Variants in PLXND1 observed in about 807,000 individuals in gnomAD.
PLXND1 encodes plexin-D1.
Under a neutral mutation model 197.7 loss-of-function variants are expected in PLXND1, and 54 were observed. The observed-to-expected ratio is 0.27, with a 90% CI of 0.22 to 0.34. PLXND1 has a LOEUF of 0.34. PLXND1 is among the 10% of genes least tolerant of loss of function. The pLI is 1.00. For missense variants in PLXND1, 2,127 were observed against 2,699.2 expected (o/e 0.79, Z 4.70); for synonymous variants, 1,180 against 1,161.2 (o/e 1.02, Z -0.33).
intron 19 of PLXND1, among the ~76,000 whole-genome samples, chr3:129,570,456 CCT>C (rs2085207706): frequency 6.6e-6 from 1 of 152,136 alleles, no homozygotes; most frequent in African/African-American, 2.4e-5. Context: ...TGTTCTGGCC[CCT>C]CTCTGCTCCT....
At chr3:129,583,752 G>T in intron 7 of PLXND1, 83 bp from the exon 8 acceptor site, 2 of 891,828 alleles carry the variant, frequency 2.2e-6, no homozygotes, top group Non-Finnish European at 3.6e-6. Context: ...CCAAAAGGCA[G>T]ATCCCAGCAC....
Position 129,564,476 on chromosome 3 carries a change from A to C in PLXND1, c.4521+864T>G, listed in dbSNP as rs186984353. 1.7e-3 allele frequency among the ~76,000 whole-genome samples: 257 copies of C among 152,340 alleles called. 3 individuals carry two copies. The highest frequency in any genetic ancestry group is 5.9e-3 in the African/African-American group (247 of 41,588). ...GCCTGTGCAACAAAGCAAGACCCCC[A>C]TCTCTTCAAAAATTAATAACAAAAA... On this transcript the variant is annotated intron_variant, in intron 25 of 35. Transcript: ENST00000324093.
chr3:129,565,253 G>A (rs2085120896), intron 25 of PLXND1, 87 bp downstream of exon 25: 1 of 1,131,588 alleles, frequency 8.8e-7, no homozygotes, highest in Admixed American at 1.7e-5. Flanking sequence ...AGGGTGCCAG[G>A]GAAGGCCTGG....
In PLXND1 at chr3:129,570,803, C is replaced by T; in HGVS notation, c.3733G>A (p.Gly1245Arg). The change falls in exon 19 of 36, where the codon GGG becomes AGG. Residue 1245 changes from glycine (G) to arginine (R), a missense_variant. Transcript: ENST00000324093. ...SVNESLGAAV[G>R]QLPITIQVGN... is the part of the protein sequence containing the mutation. ...CCACTCACTGTGATGGGCAGCTGCC[C>T]CACGGCCGCGCCCAGGGACTCGTTG... 6.2e-7 allele frequency: 1 copy of T among 1,614,122 alleles called. No homozygotes were observed. The highest frequency in any genetic ancestry group is 1.7e-4 in the Middle Eastern group (1 of 6,060).
At chr3:129,586,151 G>GT (rs772634235) in intron 4 of PLXND1, 21 bp downstream of exon 4, 5 of 1,610,372 alleles carry the variant, frequency 3.1e-6, no homozygotes, top group Non-Finnish European at 4.2e-6. Context: ...TGGTCCAGCT[G>GT]TTGCTGGTGT....
intron 1 of PLXND1, among the ~76,000 whole-genome samples, chr3:129,603,768 C>T (rs548761061): frequency 5.3e-5 from 8 of 152,314 alleles, no homozygotes; most frequent in South Asian, 2.1e-4. Context: ...TGGTTAATCT[C>T]ATGAAATTCT....
intron 10 of PLXND1, 66 bp from the exon 11 acceptor site, chr3:129,575,628 G>T: frequency 7.6e-7 from 1 of 1,318,968 alleles, no homozygotes; most frequent in Non-Finnish European, 1.1e-6. Flanking sequence ...GGGGATGGGT[G>T]TCATGGAGGC....
At chr3:129,556,730 G>C in intron 34 of PLXND1, 39 bp from the exon 35 acceptor site, 1 of 1,471,142 alleles carries the variant, frequency 6.8e-7, no homozygotes. Flanking sequence ...TAGCCCAGCG[G>C]TCAAAGCTGA....
intron 1 of PLXND1, among the ~76,000 whole-genome samples, chr3:129,593,884 C>T (rs941665818): frequency 6.6e-6 from 1 of 152,182 alleles, no homozygotes; most frequent in African/African-American, 2.4e-5. Flanking sequence ...CAGGATGCCC[C>T]CTCCCCCTCC....
In PLXND1 at chr3:129,567,732, C is replaced by T; in HGVS notation, c.3939G>A (p.Glu1313=). The part of the protein sequence containing the change: ...YWQKTLLQME[E]MESQIREEIR... ...TTTCCTCTCGGATCTGAGATTCCAT[C>T]TCCTCCATCTGCAGCAGCGTCTTCT... Residue 1313 remains glutamate, a synonymous_variant, in exon 21 of 36, where the codon GAG becomes GAA. Coordinates refer to ENST00000324093, the MANE Select transcript of PLXND1 (RefSeq NM_015103.3). 6.2e-7 allele frequency: 1 copy of T among 1,613,076 alleles called. No individual in the cohort carries two copies. The highest frequency in any genetic ancestry group is 2.2e-5 in the East Asian group (1 of 44,864).
At chr3:129,596,023 TATGGGAGGCA>T (rs1306192155) in intron 1 of PLXND1, among the ~76,000 whole-genome samples, 6 of 152,046 alleles carry the variant, frequency 3.9e-5, no homozygotes, top group African/African-American at 1.4e-4. Flanking sequence ...CTTACCTCAC[TATGGGAGGCA>T]CCATCCCCTC....
chr3:129,606,433 C>A lies in PLXND1; in HGVS notation c.207G>T (p.Gly69=). The change falls in exon 1 of 36, where the codon GGG becomes GGT. Residue 69 remains glycine, a synonymous_variant. Coordinates refer to ENST00000324093, the MANE Select transcript of PLXND1 (RefSeq NM_015103.3). The part of the protein sequence containing the change: ...TNNFALDGAA[G]TVYLAAVNRL... The stretch of plus-strand genomic sequence containing the variant: ...GGTTGACGGCCGCCAGGTACACGGT[C>A]CCCGCCGCGCCGTCCAGGGCGAAGT... 2.0e-6 allele frequency: 3 copies of A among 1,476,674 alleles called. No individual in the cohort carries two copies. Among genetic ancestry groups the A allele is most frequent in the South Asian group, 1.4e-5 (1 of 72,974 alleles). The allele number at this position is 1,476,674 out of a possible 1,614,324, so 91.5% of individuals were successfully genotyped here.
intron 3 of PLXND1, 54 bp from the exon 4 acceptor site, chr3:129,586,326 G>T (rs2085460707): frequency 1.5e-6 from 2 of 1,371,984 alleles, no homozygotes; most frequent in African/African-American, 2.9e-5. Flanking sequence ...TCTCCCTTGG[G>T]GAGGTGGTAC....
chr3:129,567,907 G>A, intron 20 of PLXND1, 102 bp from the exon 21 acceptor site: 1 of 427,676 alleles, frequency 2.3e-6, no homozygotes. Flanking sequence ...TCTGGGCAGG[G>A]TGTGGGAGGA....
intron 29 of PLXND1, among the ~76,000 whole-genome samples, 197 bp downstream of exon 29, chr3:129,561,449 A>G (rs982045107): frequency 2.0e-5 from 3 of 152,188 alleles, no homozygotes; most frequent in African/African-American, 7.2e-5. Flanking sequence ...GCAGGAAATC[A>G]GCTTGAGGAG....
intron 17 of PLXND1, 81 bp downstream of exon 17, chr3:129,571,428 G>A: frequency 1.3e-6 from 2 of 1,519,666 alleles, no homozygotes; most frequent in Admixed American, 3.4e-5. Context: ...CAGAGATGCA[G>A]TGGGAGGAGG....
chr3:129,605,461 G>A lies in PLXND1; in HGVS notation c.1179C>T (p.Phe393=). ...AAPAALCAFR[F]ADVRAAIRAA... ...CTCGGATGGCGGCTCGCACGTCGGC[G>A]AAGCGGAAGGCGCAGAGTGCGGCCG... The change falls in exon 1 of 36, where the codon TTC becomes TTT. Residue 393 remains phenylalanine, a synonymous_variant. Transcript: ENST00000324093. The A allele has an allele frequency of 1.3e-6, 2 of 1,501,230 alleles. No individual in the cohort carries two copies. Among genetic ancestry groups the A allele is most frequent in the South Asian group, 1.2e-5 (1 of 80,248 alleles). The allele number at this position is 1,501,230 out of a possible 1,614,324, so 93.0% of individuals were successfully genotyped here. A position where few individuals can be genotyped will look rare whatever the true frequency, so the allele number is the denominator to read the frequency against.
Position 129,555,694 on chromosome 3 carries a change from T to C in PLXND1, c.*618A>G. 1 of 530,960 alleles carries C rather than the reference T, an allele frequency of 1.9e-6. No individual in the cohort carries two copies. Among genetic ancestry groups the C allele is most frequent in the South Asian group, 2.6e-5 (1 of 38,846 alleles). 32.9% of individuals were successfully genotyped at this position (530,960 alleles called of 1,614,324 possible). ...CCCCATCCCTCCCCTCCACCCTCCC[T>C]GCTCCTGGAGAAGCCCACAGAGCAC... On this transcript the variant is annotated 3_prime_UTR_variant, in exon 36 of 36. Transcript: ENST00000324093.
rs1435576646 is a variant in PLXND1 at position 129,605,593 on chromosome 3, C to A, written c.1047G>T (p.Ala349=). ...IQLGLQCAGG[A]GRGDLYSRLV... is the part of the protein sequence containing the mutation. Reference sequence around the variant, plus strand: ...GGCGGCTGTAGAGGTCGCCGCGGCCCGCGCCGCCCGCGCACTGCAAGCCCA... The same window carrying A: ...GGCGGCTGTAGAGGTCGCCGCGGCCAGCGCCGCCCGCGCACTGCAAGCCCA... The change falls in exon 1 of 36, where the codon GCG becomes GCT. Residue 349 remains alanine, a synonymous_variant. Coordinates refer to ENST00000324093, the MANE Select transcript of PLXND1 (RefSeq NM_015103.3). The A allele has an allele frequency of 4.6e-6, 7 of 1,532,850 alleles. No homozygotes were observed. The South Asian group carries it at 7.2e-5, about 16-fold the overall frequency. The allele number at this position is 1,532,850 out of a possible 1,614,324, so 95.0% of individuals were successfully genotyped here.
Sources: gnomAD v4.1 joint callset for allele counts (sites outside exome capture counted in the v4.1 genomes callset) on GRCh38, gnomAD v4.1.1 for gene constraint, MANE v1.5 for transcripts, NCBI Gene and HGNC (gene_info 2026-07-23, HGNC 2026-07-21) for gene names.